The following CTIF variants were observed in gnomAD, a reference collection of about 807,000 sequenced individuals.
The protein encoded by CTIF is cap binding complex dependent translation initiation factor, also known as CBP80/20-dependent translation initiation factor.
Under a neutral mutation model 66.0 loss-of-function variants are expected in CTIF, and 21 were observed. The ratio of observed to expected loss-of-function variants is 0.32; its 90% confidence interval spans 0.23 to 0.46. The LOEUF is 0.46. Ranked by LOEUF, CTIF falls within the 20% of genes least tolerant of loss-of-function variation. CTIF has a pLI of 1.00. For synonymous variants in CTIF, 345 were observed against 326.4 expected (o/e 1.06, Z -0.62); for missense variants, 739 against 812.7 (o/e 0.91, Z 1.10).
chr18:48,793,270 C>G (rs1201392846), intron 9 of CTIF, among the ~76,000 whole-genome samples: 1 of 152,192 alleles, frequency 6.6e-6, no homozygotes, highest in Non-Finnish European at 1.5e-5. Context: ...GAGGGGCAGG[C>G]TGCAACCCCA....
At chr18:48,644,328 G>A (rs1007951746) in intron 3 of CTIF, among the ~76,000 whole-genome samples, 3 of 152,228 alleles carry the variant, frequency 2.0e-5, no homozygotes, top group African/African-American at 7.2e-5. Context: ...GGAGGGTAGA[G>A]TGGAGAGAAC....
chr18:48,708,369 ATG>A, intron 6 of CTIF, among the ~76,000 whole-genome samples: 1 of 152,276 alleles, frequency 6.6e-6, no homozygotes, highest in East Asian at 1.9e-4. Flanking sequence ...CCTGAGTTGT[ATG>A]TGTCTCTTGG....
At chr18:48,610,812 T>A (rs779124887) in intron 1 of CTIF, among the ~76,000 whole-genome samples, 1 of 152,238 alleles carries the variant, frequency 6.6e-6, no homozygotes, top group South Asian at 2.1e-4. Context: ...CATGAAGTTC[T>A]GATGAGACCA....
At chr18:48,671,043 C>A (rs1205680522) in intron 6 of CTIF, among the ~76,000 whole-genome samples, 1 of 152,120 alleles carries the variant, frequency 6.6e-6, no homozygotes, top group Non-Finnish European at 1.5e-5. Context: ...AGTTTTTGTC[C>A]CTTGGCCTGA....
At chr18:48,707,665 C>G (rs759358943) in intron 6 of CTIF, among the ~76,000 whole-genome samples, 25 of 152,054 alleles carry the variant, frequency 1.6e-4, no homozygotes, top group Non-Finnish European at 3.2e-4. Flanking sequence ...ACATGCCATT[C>G]CCTCTACCTG....
intron 7 of CTIF, among the ~76,000 whole-genome samples, chr18:48,719,958 G>A (rs934208827): frequency 1.3e-5 from 2 of 152,152 alleles, no homozygotes; most frequent in African/African-American, 4.8e-5. Context: ...ATTAAATAAG[G>A]TTTCTTTAAA....
intron 9 of CTIF, among the ~76,000 whole-genome samples, chr18:48,762,719 T>G (rs962944984): frequency 6.6e-6 from 1 of 152,194 alleles, no homozygotes; most frequent in Non-Finnish European, 1.5e-5. Flanking sequence ...CTTGTGAAAG[T>G]CAAAGGGGGT....
At chr18:48,595,344 T>C (rs1192625763) in intron 1 of CTIF, among the ~76,000 whole-genome samples, 1 of 152,220 alleles carries the variant, frequency 6.6e-6, no homozygotes, top group East Asian at 1.9e-4. Flanking sequence ...GGATTGTTGG[T>C]TGTGCTGTCT....
chr18:48,620,059 C>T lies in CTIF; in HGVS notation c.180+314C>T, dbSNP rs115570115. Reference sequence around the variant, plus strand: ...TATGTGCTGAACGCTGTTCCCTGTCCTCAATAAGCTTATGTTCTAGGAGAG... The same window carrying T: ...TATGTGCTGAACGCTGTTCCCTGTCTTCAATAAGCTTATGTTCTAGGAGAG... On this transcript the variant is annotated intron_variant, in intron 2 of 11. Coordinates refer to ENST00000256413, the MANE Select transcript of CTIF (RefSeq NM_014772.3). 9.4e-4 allele frequency among the ~76,000 whole-genome samples: 143 copies of T among 152,308 alleles called. 3 individuals carry two copies. Among genetic ancestry groups the T allele is most frequent in the African/African-American group, 3.4e-3 (140 of 41,562 alleles).
intron 10 of CTIF, 82 bp downstream of exon 10, chr18:48,817,458 T>G: frequency 2.7e-6 from 4 of 1,497,718 alleles, no homozygotes; most frequent in Middle Eastern, 1.8e-4. Flanking sequence ...GGGACAAAGC[T>G]GTGAGGGTAG....
In CTIF at chr18:48,669,193, T is replaced by G. The variant is rs182106931; in HGVS notation, c.432-1476T>G. Among the ~76,000 whole-genome samples the G allele has an allele frequency of 7.3e-4, 111 of 151,344 alleles. 1 individual carries two copies. The East Asian group carries it at 0.015, about 20-fold the overall frequency. ...TCTGAGGGCAGGAACCAAAACTGAT[T>G]TTTTTTTTGGTTCACAAGGCCCAAA... On this transcript the variant is annotated intron_variant, in intron 5 of 11. Coordinates refer to ENST00000256413, the MANE Select transcript of CTIF (RefSeq NM_014772.3).
At chr18:48,816,671 A>C (rs1302842903) in intron 9 of CTIF, among the ~76,000 whole-genome samples, 2 of 152,214 alleles carry the variant, frequency 1.3e-5, no homozygotes, top group African/African-American at 2.4e-5. Flanking sequence ...TGAATGAATG[A>C]ATGAACGAAT....
At position 48,732,100 on chromosome 18, in the gene CTIF, G is replaced by A. The variant is rs377613951; in HGVS notation, c.584+20405G>A. Among the ~76,000 whole-genome samples, 320 of 152,220 alleles carry A rather than the reference G, an allele frequency of 2.1e-3. 17 individuals are homozygous for A. In the South Asian group the frequency reaches 0.064, roughly 31 times the overall value. ...AAGTTTCCATTCCTACCTTACAGCC[G>A]AGGAGACCATGCTGCAGCAGTGCAT... On this transcript the variant is annotated intron_variant, in intron 7 of 11. Coordinates refer to ENST00000256413, the MANE Select transcript of CTIF (RefSeq NM_014772.3).
At chr18:48,647,046 T>G (rs952824072) in intron 3 of CTIF, among the ~76,000 whole-genome samples, 1 of 152,178 alleles carries the variant, frequency 6.6e-6, no homozygotes, top group Non-Finnish European at 1.5e-5. Context: ...GCAGCTTTGT[T>G]CACAATACAC....
intron 1 of CTIF, among the ~76,000 whole-genome samples, chr18:48,600,954 A>G (rs1375828038): frequency 6.6e-6 from 1 of 152,004 alleles, no homozygotes; most frequent in East Asian, 1.9e-4. Context: ...GAAATCTGAG[A>G]GGCGCCTCCT....
chr18:48,618,732 C>G (rs934002254), intron 1 of CTIF, among the ~76,000 whole-genome samples: 3 of 152,222 alleles, frequency 2.0e-5, no homozygotes, highest in Non-Finnish European at 4.4e-5. Flanking sequence ...GATTGCAGTT[C>G]TGTTGGTGGA....
chr18:48,672,892 C>G (rs78566156), intron 6 of CTIF, among the ~76,000 whole-genome samples: 9,007 of 152,276 alleles, frequency 0.059, 303 homozygotes, highest in Middle Eastern at 0.14. Flanking sequence ...TGGGCTCCCC[C>G]TGCCATCCTG....
chr18:48,721,696 G>A (rs545476867), intron 7 of CTIF, among the ~76,000 whole-genome samples: 3 of 152,178 alleles, frequency 2.0e-5, no homozygotes, highest in African/African-American at 4.8e-5. Flanking sequence ...TGGCAGATAC[G>A]AGGGAAGTCC....
At chr18:48,854,177 T>C (rs2146650550) in intron 10 of CTIF, among the ~76,000 whole-genome samples, 1 of 152,086 alleles carries the variant, frequency 6.6e-6, no homozygotes, top group Non-Finnish European at 1.5e-5. Flanking sequence ...CCCTGGAAAA[T>C]GTCTTAACTT....
Sources: gnomAD v4.1 joint callset for allele counts (sites outside exome capture counted in the v4.1 genomes callset) on GRCh38, gnomAD v4.1.1 for gene constraint, MANE v1.5 for transcripts, NCBI Gene and HGNC (gene_info 2026-07-23, HGNC 2026-07-21) for gene names.